GALNT2: variants seen among roughly 807,000 people sequenced by gnomAD.
The protein encoded by GALNT2 is polypeptide N-acetylgalactosaminyltransferase 2.
A neutral mutation model predicts 81.4 loss-of-function variants in GALNT2; 31 were observed. The observed-to-expected ratio is 0.38, with a 90% confidence interval of 0.29 to 0.51. The LOEUF is 0.51. Ranked by LOEUF, GALNT2 falls within the 20% of genes least tolerant of loss-of-function variation. The pLI is 0.87. For synonymous variants in GALNT2, 303 were observed against 287.4 expected (o/e 1.05, Z -0.55); for missense variants, 629 against 765.7 (o/e 0.82, Z 2.11).
intron 10 of GALNT2, among the ~76,000 whole-genome samples, chr1:230,253,166 G>T (rs1205845461): frequency 2.0e-5 from 3 of 152,194 alleles, no homozygotes; most frequent in African/African-American, 4.8e-5. Context: ...CTTAGGTTGT[G>T]TTGGGAACTG....
rs1337194980 is a variant in GALNT2 at position 230,198,424 on chromosome 1, T to G, written c.221-4713T>G. Among the ~76,000 whole-genome samples the G allele has an allele frequency of 2.9e-4, 38 of 132,150 alleles. 1 individual carries two copies. Among genetic ancestry groups the G allele is most frequent in the African/African-American group, 1.0e-3 (36 of 34,352 alleles). 86.7% of individuals were successfully genotyped at this position (132,150 alleles called of 152,430 possible). ...CAGCAGCCCAGGAGAGTACGAGGAG[T>G]GGCAGGGGCAGGACAGCAGCCCAGG... On this transcript the variant is annotated intron_variant, in intron 2 of 15. Transcript: ENST00000366672.
intron 1 of GALNT2, among the ~76,000 whole-genome samples, chr1:230,086,209 G>A (rs983316804): frequency 1.1e-4 from 17 of 152,162 alleles, no homozygotes; most frequent in South Asian, 2.1e-4. Context: ...AGAATAATAC[G>A]AGCTCCTGGA....
intron 2 of GALNT2, among the ~76,000 whole-genome samples, chr1:230,191,126 G>A (rs1439794564): frequency 6.6e-6 from 1 of 152,204 alleles, no homozygotes; most frequent in Non-Finnish European, 1.5e-5. Flanking sequence ...AAATGTAATG[G>A]AGCTGTTTAA....
At chr1:230,106,324 A>C (rs1472212060) in intron 1 of GALNT2, among the ~76,000 whole-genome samples, 2 of 152,202 alleles carry the variant, frequency 1.3e-5, no homozygotes, top group Non-Finnish European at 2.9e-5. Flanking sequence ...TACTGAATGG[A>C]GATGACAGGC....
At chr1:230,176,273 A>C (rs1662976425) in intron 1 of GALNT2, among the ~76,000 whole-genome samples, 1 of 152,210 alleles carries the variant, frequency 6.6e-6, no homozygotes, top group Admixed American at 6.5e-5. Flanking sequence ...ATTTGTGGGC[A>C]CAAAAAAAAA....
intron 2 of GALNT2, among the ~76,000 whole-genome samples, chr1:230,196,742 C>A (rs61563010): frequency 6.6e-6 from 1 of 152,076 alleles, no homozygotes; most frequent in East Asian, 2.0e-4. Context: ...AGGAGAAGTT[C>A]CGCATCTGAG....
At chr1:230,085,469 C>T (rs1471628484) in intron 1 of GALNT2, among the ~76,000 whole-genome samples, 1 of 152,200 alleles carries the variant, frequency 6.6e-6, no homozygotes, top group African/African-American at 2.4e-5. Flanking sequence ...CAAGCAGTTG[C>T]AGTTTTCCTG....
chr1:230,243,252 G>C lies in GALNT2; in HGVS notation c.608-54G>C. ...AGGCGTCGCCGGTTGGCATGGGGTT[G>C]TGCTGGCCCTGTGGCTTCTCTCTCC... On this transcript the variant is annotated intron_variant, in intron 6 of 15. Transcript: ENST00000366672. The surrounding 1 kb of genome is among the most constrained non-coding windows in gnomAD (Gnocchi z 4.2). 2 of 1,550,598 alleles carry C rather than the reference G, an allele frequency of 1.3e-6. No homozygotes were observed. The highest frequency in any genetic ancestry group is 2.4e-5 in the South Asian group (2 of 84,646).
intron 6 of GALNT2, among the ~76,000 whole-genome samples, chr1:230,239,695 C>T (rs560199283): frequency 5.6e-4 from 85 of 152,228 alleles, no homozygotes; most frequent in African/African-American, 1.9e-3. Context: ...GTCTGCTCTT[C>T]GGCTGTTTCT....
chr1:230,184,902 T>G (rs1663272392), intron 2 of GALNT2, among the ~76,000 whole-genome samples: 1 of 152,210 alleles, frequency 6.6e-6, no homozygotes, highest in Admixed American at 6.5e-5. Flanking sequence ...TCCACAGTTC[T>G]TGGATATTAT....
chr1:230,144,990 C>G (rs932657257), intron 1 of GALNT2, among the ~76,000 whole-genome samples: 4 of 152,102 alleles, frequency 2.6e-5, no homozygotes, highest in Non-Finnish European at 5.9e-5. Context: ...TCCTCTCTTG[C>G]TTGGTAACCT....
chr1:230,197,725 C>T (rs890183654), intron 2 of GALNT2, among the ~76,000 whole-genome samples: 3 of 152,156 alleles, frequency 2.0e-5, no homozygotes, highest in Non-Finnish European at 2.9e-5. Context: ...GAGCCAGGCT[C>T]ACCCTCATGC....
rs1659037145 is a variant in GALNT2, at chr1:230,061,160, A to G, written n.89+3082A>G. ...ACAGATCTAGGAAATATGTATGTATATTTGTTTAAATATGCATACATATGA... is the reference window on the plus strand; with the variant it reads ...ACAGATCTAGGAAATATGTATGTATGTTTGTTTAAATATGCATACATATGA... On this transcript the variant is annotated intron_variant and non_coding_transcript_variant, in intron 1 of 6. Transcript: ENST00000494106. Among the ~76,000 whole-genome samples the G allele has an allele frequency of 2.0e-5, 3 of 150,958 alleles. No homozygotes were observed. In the Admixed American group the frequency reaches 2.0e-4, roughly 10 times the overall value.
Position 230,160,077 on chromosome 1 carries a change from T to TC in GALNT2, c.127-18139dup, listed in dbSNP as rs535430515. Among the ~76,000 whole-genome samples, 32 of 152,310 alleles carry TC rather than the reference T, an allele frequency of 2.1e-4. No individual in the cohort carries two copies. The South Asian group carries it at 6.2e-3, about 30-fold the overall frequency. On this transcript the variant is annotated intron_variant, in intron 1 of 15. Coordinates refer to ENST00000366672, the MANE Select transcript of GALNT2 (RefSeq NM_004481.5). Reference sequence around the variant, plus strand: ...TTTCTGCTCACTGATCAGACGATTATCCTTCTCCAGGATGACCACCATCAT... The same window carrying TC: ...TTTCTGCTCACTGATCAGACGATTATCCCTTCTCCAGGATGACCACCATCAT...
Position 230,067,291 on chromosome 1 carries a change from G to A in GALNT2, c.11G>A (p.Arg4His). The change falls in exon 1 of 16, where the codon CGC becomes CAC. Residue 4 changes from arginine to histidine, a missense_variant. By Grantham distance (29) the Arg-to-His change is conservative. Around this residue, in one of 3 missense-constraint regions of GALNT2, gnomAD observed 62 missense variants for 47.3 expected, o/e 1.31. Coordinates refer to ENST00000366672, the MANE Select transcript of GALNT2 (RefSeq NM_004481.5). ...GGCCGAGTTGGGAGAATGCGGCGGC[G>A]CTCGCGGATGCTGCTCTGCTTCGCC... MRR[R>H]SRMLLCFAFL... is the part of the protein sequence containing the mutation. The A allele has an allele frequency of 7.4e-7, 1 of 1,358,166 alleles. No homozygotes were observed. The allele number at this position is 1,358,166 out of a possible 1,614,324, so 84.1% of individuals were successfully genotyped here. A position where few individuals can be genotyped will look rare whatever the true frequency, so the allele number is the denominator to read the frequency against.
At chr1:230,240,824 A>T (rs970272942) in intron 6 of GALNT2, among the ~76,000 whole-genome samples, 2 of 151,444 alleles carry the variant, frequency 1.3e-5, no homozygotes, top group African/African-American at 2.4e-5. Flanking sequence ...TTTTTTTCTG[A>T]CTCATTCTTG....
chr1:230,123,311 G>A (rs1661076983), intron 1 of GALNT2, among the ~76,000 whole-genome samples: 1 of 152,206 alleles, frequency 6.6e-6, no homozygotes, highest in Non-Finnish European at 1.5e-5. Context: ...GTGCTTTAGA[G>A]GATGAACATT....
intron 3 of GALNT2, among the ~76,000 whole-genome samples, chr1:230,226,323 C>T (rs1026170757): frequency 6.6e-6 from 1 of 152,232 alleles, no homozygotes; most frequent in African/African-American, 2.4e-5. Context: ...ATTGCATCAC[C>T]AGCTGTGTCC....
At chr1:230,254,259 CCAGT>C (rs1322502717) in intron 10 of GALNT2, among the ~76,000 whole-genome samples, 1 of 152,152 alleles carries the variant, frequency 6.6e-6, no homozygotes. Context: ...AAAAGGCACA[CCAGT>C]CAGTCTAAGC....
Sources: gnomAD v4.1 joint callset for allele counts (sites outside exome capture counted in the v4.1 genomes callset) on GRCh38, gnomAD v4.1.1 for gene constraint, gnomAD v4.1.1 regional missense constraint, Gnocchi (gnomAD v3.1) non-coding constraint, MANE v1.5 for transcripts, NCBI Gene and HGNC (gene_info 2026-07-23, HGNC 2026-07-21) for gene names.